Variants in LRP1B observed in about 807,000 individuals in gnomAD.
The protein encoded by LRP1B is low-density lipoprotein receptor-related protein 1B.
A neutral mutation model predicts 556.6 loss-of-function variants in LRP1B; 217 were observed. The ratio of observed to expected loss-of-function variants is 0.39; its 90% CI spans 0.35 to 0.44. The LOEUF (loss-of-function observed/expected upper bound fraction) is 0.44. Among genes scored for constraint, LRP1B ranks in the 20% least tolerant of loss-of-function variants. The probability of loss-of-function intolerance (pLI) is 1.00; values close to 1 mark genes in which losing one functional copy is unlikely to be tolerated. For missense variants in LRP1B, 5,053 were observed against 5,620.8 expected, an observed-to-expected ratio of 0.90 and a Z score of 3.23; for synonymous variants, 2,047 against 1,865.8, an observed-to-expected ratio of 1.10 and a Z score of -2.50.
chr2:140,254,446 T>C (rs556255775), intron 86 of LRP1B, among the ~76,000 whole-genome samples: 1 of 152,310 alleles, frequency 6.6e-6, no homozygotes, highest in East Asian at 1.9e-4. Flanking sequence ...CATTGGGAAA[T>C]GAATAAGACA....
chr2:141,124,310 T>C (rs1285828194), intron 7 of LRP1B, among the ~76,000 whole-genome samples: 1 of 152,116 alleles, frequency 6.6e-6, no homozygotes, highest in African/African-American at 2.4e-5. Context: ...TTCTCCTCCT[T>C]TACCTTCCTT....
intron 17 of LRP1B, among the ~76,000 whole-genome samples, chr2:140,985,615 C>A (rs1327589365): frequency 6.6e-6 from 1 of 151,894 alleles, no homozygotes; most frequent in African/African-American, 2.4e-5. Flanking sequence ...GCTACCAACA[C>A]CCTGACTGTG....
intron 41 of LRP1B, among the ~76,000 whole-genome samples, chr2:140,639,665 A>T (rs1684203743): frequency 2.0e-5 from 3 of 152,136 alleles, no homozygotes. Flanking sequence ...CTTTTTCTCC[A>T]TGCAAGAAGC....
intron 1 of LRP1B, among the ~76,000 whole-genome samples, chr2:141,867,805 T>C (rs1283105821): frequency 6.6e-6 from 1 of 152,160 alleles, no homozygotes; most frequent in Admixed American, 6.5e-5. Flanking sequence ...TTCCGGAATC[T>C]AACTTATATC....
At chr2:140,766,687 C>A (rs917593194) in intron 35 of LRP1B, among the ~76,000 whole-genome samples, 1 of 150,644 alleles carries the variant, frequency 6.6e-6, no homozygotes, top group Non-Finnish European at 1.5e-5. Flanking sequence ...GTGTTTATTG[C>A]CCCAGAGTAG....
chr2:141,797,794 C>T (rs549616883), intron 2 of LRP1B, among the ~76,000 whole-genome samples: 1 of 152,212 alleles, frequency 6.6e-6, no homozygotes, highest in Non-Finnish European at 1.5e-5. Flanking sequence ...GGAAAGTGTA[C>T]CATAACTTAC....
intron 2 of LRP1B, among the ~76,000 whole-genome samples, chr2:141,610,601 T>C (rs946954738): frequency 3.9e-5 from 6 of 152,142 alleles, no homozygotes; most frequent in African/African-American, 7.2e-5. Context: ...GGGTACCTCA[T>C]TGCATCCTGC....
chr2:141,077,460 A>T (rs970283176), intron 7 of LRP1B, among the ~76,000 whole-genome samples: 1 of 152,082 alleles, frequency 6.6e-6, no homozygotes, highest in Non-Finnish European at 1.5e-5. Flanking sequence ...TTTTTCTAAT[A>T]TCAGGTTCTA....
intron 2 of LRP1B, among the ~76,000 whole-genome samples, chr2:141,767,115 T>C (rs565986556): frequency 2.4e-4 from 36 of 152,040 alleles, no homozygotes; most frequent in Non-Finnish European, 4.6e-4. Flanking sequence ...AAAGCCGTGA[T>C]AGAACAAAGA....
chr2:141,393,956 G>T (rs1197009704), intron 3 of LRP1B, among the ~76,000 whole-genome samples: 1 of 151,922 alleles, frequency 6.6e-6, no homozygotes, highest in African/African-American at 2.4e-5. Context: ...TATCTTATTT[G>T]ATATACCTAA....
intron 43 of LRP1B, among the ~76,000 whole-genome samples, chr2:140,598,133 T>C (rs1486818695): frequency 6.6e-6 from 1 of 152,200 alleles, no homozygotes; most frequent in African/African-American, 2.4e-5. Context: ...CACTAACATT[T>C]CATTTTGAAC....
intron 24 of LRP1B, among the ~76,000 whole-genome samples, chr2:140,885,756 T>C (rs1675827283): frequency 6.6e-6 from 1 of 151,024 alleles, no homozygotes; most frequent in African/African-American, 2.4e-5. Context: ...TTTGTAATAC[T>C]TTCTTCATTT....
chr2:141,553,463 T>C (rs1383245461), intron 2 of LRP1B, among the ~76,000 whole-genome samples: 2 of 151,634 alleles, frequency 1.3e-5, no homozygotes, highest in South Asian at 4.1e-4. Flanking sequence ...ATGTGCATAC[T>C]GGACAAATTA....
At chr2:142,007,500 C>G (rs765376093) in intron 1 of LRP1B, among the ~76,000 whole-genome samples, 1 of 152,110 alleles carries the variant, frequency 6.6e-6, no homozygotes, top group Non-Finnish European at 1.5e-5. Flanking sequence ...GTGGACTCAC[C>G]TACAGAATAC....
Position 140,323,211 on chromosome 2 carries a change from T to G in LRP1B, c.12514+682A>C, listed in dbSNP as rs574593112. Among the ~76,000 whole-genome samples, 10 of 152,156 alleles carry G rather than the reference T, an allele frequency of 6.6e-5. No homozygotes were observed. The South Asian group carries it at 2.1e-3, about 32-fold the overall frequency. On this transcript the variant is annotated intron_variant, in intron 81 of 90. Transcript: ENST00000389484. ...TTAGAATTTCAGCCATATTATTATT[T>G]TTCACTTTGTTGTTCACTGTTTTTG... is the stretch of plus-strand genomic sequence containing the variant.
intron 1 of LRP1B, among the ~76,000 whole-genome samples, chr2:141,940,447 T>G (rs1364066388): frequency 6.6e-6 from 1 of 152,172 alleles, no homozygotes. Flanking sequence ...TGATAACTAT[T>G]CATGTAATTC....
chr2:140,579,712 C>A (rs1282206966), intron 43 of LRP1B, among the ~76,000 whole-genome samples: 1 of 152,086 alleles, frequency 6.6e-6, no homozygotes, highest in East Asian at 1.9e-4. Flanking sequence ...CGTGATAGCA[C>A]ACACCTGTAA....
chr2:140,390,200 A>T (rs1683955217), intron 66 of LRP1B, among the ~76,000 whole-genome samples: 1 of 152,188 alleles, frequency 6.6e-6, no homozygotes, highest in Non-Finnish European at 1.5e-5. Flanking sequence ...CTTGAAAAAG[A>T]AAAATTAAAC....
intron 2 of LRP1B, among the ~76,000 whole-genome samples, chr2:141,532,692 A>G (rs1684928422): frequency 1.3e-5 from 2 of 152,120 alleles, no homozygotes; most frequent in Non-Finnish European, 2.9e-5. Context: ...TGTACAGTCA[A>G]AAAACATTAT....
Sources: gnomAD v4.1 joint callset for allele counts (sites outside exome capture counted in the v4.1 genomes callset) on GRCh38, gnomAD v4.1.1 for gene constraint, MANE v1.5 for transcripts, NCBI Gene and HGNC (gene_info 2026-07-23, HGNC 2026-07-21) for gene names.